Variants in IFT140 observed in about 807,000 individuals in gnomAD.
IFT140 encodes the protein intraflagellar transport protein 140 homolog.
IFT140 carries 133 observed loss-of-function variants against 164.6 expected under a neutral mutation model. The ratio of observed to expected loss-of-function variants is 0.81; its 90% confidence interval spans 0.70 to 0.93. IFT140 has a LOEUF of 0.93. IFT140 is among the 40% of genes least tolerant of loss of function. IFT140 has a pLI of 0.00. For missense variants in IFT140, 2,045 were observed against 1,972.3 expected (o/e 1.04, Z -0.70); for synonymous variants, 860 against 817.3 (o/e 1.05, Z -0.89).
Position 1,587,270 on chromosome 16 carries a change from G to C in IFT140, c.937C>G (p.Leu313Val), listed in dbSNP as rs758052767. Reference sequence around the variant, plus strand: ...AAGCCAAACTTCTCATCTGGACTCAGTATATAATTCTCTCCTCGTTCTATG... The same window carrying C: ...AAGCCAAACTTCTCATCTGGACTCACTATATAATTCTCTCCTCGTTCTATG... ...WDIERGENYILSPDEKFGFEK... is the reference protein window; with the variant it reads ...WDIERGENYIVSPDEKFGFEK... The change falls in exon 9 of 31, where the codon CTG (leucine) becomes GTG (valine). Residue 313 changes from leucine (L) to valine (V), a missense_variant. Physicochemically the swap from Leu to Val is conservative, Grantham distance 32. Transcript: ENST00000426508. 2.0e-5 allele frequency: 32 copies of C among 1,612,166 alleles called. No homozygotes were observed. Among genetic ancestry groups the C allele is most frequent in the Non-Finnish European group, 2.5e-5 (29 of 1,178,408 alleles).
chr16:1,529,144 T>C (rs371139733), intron 19 of IFT140, among the ~76,000 whole-genome samples: 12 of 152,150 alleles, frequency 7.9e-5, no homozygotes, highest in East Asian at 5.8e-4. Context: ...TGGTTTTACA[T>C]GTACTCGGGT....
At chr16:1,530,133 CTTTTTTTTT>C (rs922819138) in intron 19 of IFT140, among the ~76,000 whole-genome samples, 59 of 88,584 alleles carry the variant, frequency 6.7e-4, no homozygotes, top group Admixed American at 1.2e-3. Flanking sequence ...CGACGGGAAT[CTTTTTTTTT>C]TTTTTTTTTT....
chr16:1,587,558 C>A lies in IFT140; in HGVS notation c.903-254G>T, dbSNP rs1362637478. 2.6e-5 allele frequency among the ~76,000 whole-genome samples: 4 copies of A among 152,248 alleles called. No homozygotes were observed. In the East Asian group the frequency reaches 5.8e-4, roughly 22 times the overall value. On this transcript the variant is annotated intron_variant, in intron 8 of 30. Coordinates refer to ENST00000426508, the MANE Select transcript of IFT140 (RefSeq NM_014714.4). ...GCCAAGAGAACACAGGAATTGCAGC[C>A]CCACACAGAGCACGAGATGGCCCCG...
chr16:1,592,401 C>G, intron 5 of IFT140, 66 bp downstream of exon 5: 1 of 1,610,194 alleles, frequency 6.2e-7, no homozygotes, highest in Non-Finnish European at 8.5e-7. Flanking sequence ...GGGTCAGGAG[C>G]AGCCCGCTTC....
intron 13 of IFT140, among the ~76,000 whole-genome samples, chr16:1,576,540 C>T (rs1265229205): frequency 1.3e-5 from 2 of 148,646 alleles, no homozygotes; most frequent in East Asian, 2.0e-4. Context: ...TGCAGTGAGC[C>T]GAGATCGCAC....
chr16:1,568,448 T>C, intron 14 of IFT140, 114 bp from the exon 15 acceptor site: 1 of 843,398 alleles, frequency 1.2e-6, no homozygotes, highest in Non-Finnish European at 1.9e-6. Context: ...AGGCTGCTTC[T>C]CACCCTGGGT....
chr16:1,528,216 C>G (rs2029934889), intron 19 of IFT140, among the ~76,000 whole-genome samples: 1 of 152,162 alleles, frequency 6.6e-6, no homozygotes, highest in Non-Finnish European at 1.5e-5. Flanking sequence ...GTGTGGTCAC[C>G]GAGCAGGGAC....
At chr16:1,514,186 G>A (rs2040275279) in intron 30 of IFT140, 1 of 151,236 alleles carries the variant, frequency 6.6e-6, no homozygotes, top group Non-Finnish European at 1.5e-5. Flanking sequence ...GGCTAACACG[G>A]TGAAACCCCG....
chr16:1,553,978 G>A lies in IFT140; in HGVS notation c.2399+3957C>T. ...CTGTAGCATCAGCGACTAACTAGAC[G>A]GGAACAAGCTGCGCCAACCAAGGGT... On this transcript the variant is annotated intron_variant, in intron 19 of 30. Coordinates refer to ENST00000426508, the MANE Select transcript of IFT140 (RefSeq NM_014714.4). This position sits in a 1 kb window ranked among gnomAD's most constrained non-coding sequence, Gnocchi z 4.4. 8 of 1,287,214 alleles carry A rather than the reference G, an allele frequency of 6.2e-6. No homozygotes were observed. Among genetic ancestry groups the A allele is most frequent in the Non-Finnish European group, 8.1e-6 (8 of 988,682 alleles). 79.7% of individuals were successfully genotyped at this position (1,287,214 alleles called of 1,614,324 possible).
Position 1,599,245 on chromosome 16 carries a change from C to T in IFT140, c.369+3125G>A, listed in dbSNP as rs1228685717. Among the ~76,000 whole-genome samples the T allele has an allele frequency of 4.7e-5, 4 of 84,218 alleles. 1 individual carries two copies. The highest frequency in any genetic ancestry group is 2.1e-4 in the African/African-American group (3 of 14,056). 55.3% of individuals were successfully genotyped at this position (84,218 alleles called of 152,430 possible). On this transcript the variant is annotated intron_variant, in intron 4 of 30. Transcript: ENST00000426508. ...GCTGCCCCGTCTGAGAAGTGAGGAG[C>T]CTCTCCGCCCAGCAGCCACCCCATC... is the stretch of plus-strand genomic sequence containing the variant.
intron 13 of IFT140, among the ~76,000 whole-genome samples, chr16:1,580,010 C>T (rs950081847): frequency 2.0e-4 from 31 of 151,946 alleles, no homozygotes; most frequent in African/African-American, 6.5e-4. Flanking sequence ...CCCTGGCCCT[C>T]CCACAAGACA....
At chr16:1,606,712 G>A (rs1300988198) in intron 3 of IFT140, among the ~76,000 whole-genome samples, 2 of 152,128 alleles carry the variant, frequency 1.3e-5, no homozygotes, top group East Asian at 1.9e-4. Context: ...CACCCACCTC[G>A]GCCTCCCAAA....
At chr16:1,519,257 GA>G (rs1384564543) in intron 29 of IFT140, among the ~76,000 whole-genome samples, 4 of 152,192 alleles carry the variant, frequency 2.6e-5, no homozygotes, top group Non-Finnish European at 4.4e-5. Context: ...CTCCGATAAG[GA>G]AAACAGCCCT....
intron 4 of IFT140, among the ~76,000 whole-genome samples, chr16:1,594,999 T>A (rs1217402167): frequency 6.6e-6 from 1 of 152,198 alleles, no homozygotes; most frequent in East Asian, 1.9e-4. Context: ...TAAAGGAAAC[T>A]TGCAGGCCGG....
intron 18 of IFT140, among the ~76,000 whole-genome samples, chr16:1,560,008 C>T (rs189967836): frequency 1.4e-3 from 208 of 152,260 alleles, no homozygotes; most frequent in African/African-American, 4.7e-3. Flanking sequence ...AAGACACAAA[C>T]GCCACCATGC....
rs1218122816 is a variant in IFT140 at position 1,586,267 on chromosome 16, C to T, written c.1018G>A (p.Ala340Thr). The T allele has an allele frequency of 1.2e-6, 2 of 1,612,442 alleles. No homozygotes were observed. Among genetic ancestry groups the T allele is most frequent in the South Asian group, 2.2e-5 (2 of 90,906 alleles). Residue 340 changes from alanine (A) to threonine (T), a missense_variant, in exon 10 of 31, where the codon GCC becomes ACC. Transcript: ENST00000426508. ...VCYCKVKGLL[A>T]AGTDRGRVAM... ...ACTCGCCCTCTGTCGGTACCAGCGG[C>T]CAGAAGACCTACAGGTAGAAACAAA...
chr16:1,560,848 C>T (rs1424190875), intron 18 of IFT140, among the ~76,000 whole-genome samples: 3 of 152,238 alleles, frequency 2.0e-5, no homozygotes, highest in Admixed American at 6.5e-5. Context: ...AGGGTTTAGT[C>T]CTTCCTCTGA....
rs781579897 is a variant in IFT140, at chr16:1,520,081, C to T, written c.3874-34G>A. On this transcript the variant is annotated intron_variant, in intron 28 of 30. Coordinates refer to ENST00000426508, the MANE Select transcript of IFT140 (RefSeq NM_014714.4). The stretch of plus-strand genomic sequence containing the variant: ...ATGAAACCCGTCAAGACCTGCCGGG[C>T]TCCACAGCCCTCCCCGGGGCCCCGC... 4 of 1,608,610 alleles carry T rather than the reference C, an allele frequency of 2.5e-6. No homozygotes were observed. In the East Asian group the frequency reaches 8.9e-5, roughly 36 times the overall value.
chr16:1,568,145 AG>A (rs2033821693), intron 15 of IFT140, 71 bp downstream of exon 15: 1 of 1,061,374 alleles, frequency 9.4e-7, no homozygotes, highest in African/African-American at 1.6e-5. Flanking sequence ...AGGCACGAGC[AG>A]GCAGGAGGCC....
Sources: allele counts gnomAD v4.1 joint callset (sites outside exome capture counted in the v4.1 genomes callset), GRCh38; gene constraint gnomAD v4.1.1; non-coding constraint Gnocchi (gnomAD v3.1); transcripts MANE v1.5; gene names NCBI Gene and HGNC (gene_info 2026-07-23, HGNC 2026-07-21).